WWC2: variants seen among roughly 807,000 people sequenced by gnomAD.
WWC2 encodes the protein protein WWC2.
WWC2 carries 101 observed loss-of-function variants against 138.5 expected under a neutral mutation model. The ratio of observed to expected loss-of-function variants is 0.73; its 90% confidence interval spans 0.62 to 0.86. WWC2 has a LOEUF of 0.86. WWC2 is among the 40% of genes least tolerant of loss of function. The pLI, the probability that WWC2 is intolerant of heterozygous loss-of-function variation, is 0.00. For missense variants in WWC2, 1,420 were observed against 1,419.4 expected (o/e 1.00, Z -0.01); for synonymous variants, 558 against 538.4 (o/e 1.04, Z -0.50).
intron 16 of WWC2, among the ~76,000 whole-genome samples, chr4:183,276,009 A>C (rs1164400157): frequency 1.3e-5 from 2 of 152,100 alleles, no homozygotes; most frequent in Non-Finnish European, 2.9e-5. Flanking sequence ...TTTAGCATTT[A>C]CCTTTAGCAT....
intron 4 of WWC2, among the ~76,000 whole-genome samples, chr4:183,221,406 A>G (rs1312282254): frequency 2.0e-5 from 3 of 152,240 alleles, no homozygotes; most frequent in Non-Finnish European, 2.9e-5. Flanking sequence ...AAACAATAAC[A>G]GACCAACTTG....
intron 4 of WWC2, among the ~76,000 whole-genome samples, chr4:183,239,205 C>T (rs1736534422): frequency 6.6e-6 from 1 of 152,082 alleles, no homozygotes; most frequent in Non-Finnish European, 1.5e-5. Flanking sequence ...ATCCCAGCTA[C>T]TCTGGATGCT....
intron 19 of WWC2, among the ~76,000 whole-genome samples, chr4:183,284,886 T>C (rs1396536111): frequency 6.6e-6 from 1 of 152,214 alleles, no homozygotes; most frequent in Admixed American, 6.5e-5. Context: ...TTTGTATCAG[T>C]TTGCCAAATT....
intron 14 of WWC2, among the ~76,000 whole-genome samples, chr4:183,266,622 A>G (rs190812238): frequency 1.5e-4 from 23 of 152,352 alleles, no homozygotes; most frequent in African/African-American, 5.5e-4. Flanking sequence ...TGAAGGGCTC[A>G]TGGCTGGAAA....
At chr4:183,165,067 G>A (rs1314950198) in intron 1 of WWC2, among the ~76,000 whole-genome samples, 1 of 152,194 alleles carries the variant, frequency 6.6e-6, no homozygotes, top group Non-Finnish European at 1.5e-5. Context: ...TCCTGGGTCT[G>A]TGCATTTCAC....
At chr4:183,207,191 GT>G (rs11320228) in intron 2 of WWC2, among the ~76,000 whole-genome samples, 146,636 of 149,136 alleles carry the variant, frequency 0.98, 72,127 homozygotes, top group East Asian at 1. Context: ...GTTGGTCTGG[GT>G]TTTTTTTTTT....
At chr4:183,279,551 G>T (rs1234777238) in intron 16 of WWC2, among the ~76,000 whole-genome samples, 2 of 152,158 alleles carry the variant, frequency 1.3e-5, no homozygotes, top group Non-Finnish European at 2.9e-5. Context: ...AGAAAGATTG[G>T]TACCAGTTCC....
chr4:183,280,243 T>TTG (rs1230087913), intron 16 of WWC2, among the ~76,000 whole-genome samples: 98 of 148,350 alleles, frequency 6.6e-4, no homozygotes, highest in African/African-American at 2.2e-3. Context: ...TTTTTTTTTT[T>TTG]TTTTTTTTTT....
intron 1 of WWC2, among the ~76,000 whole-genome samples, chr4:183,189,436 CA>C (rs201076553): frequency 0.031 from 2,682 of 85,736 alleles, 49 homozygotes; most frequent in African/African-American, 0.092. Flanking sequence ...GACTCAGTCT[CA>C]AAAAAAAAAA....
intron 6 of WWC2, 80 bp from the exon 7 acceptor site, chr4:183,248,634 T>C (rs1736871930): frequency 7.1e-7 from 1 of 1,404,656 alleles, no homozygotes; most frequent in South Asian, 1.5e-5. Flanking sequence ...ATTAGCTCTT[T>C]CCTTTTAATT....
At chr4:183,186,341 A>C (rs1202900759) in intron 1 of WWC2, among the ~76,000 whole-genome samples, 1 of 152,168 alleles carries the variant, frequency 6.6e-6, no homozygotes, top group Non-Finnish European at 1.5e-5. Context: ...AAGGCAAATC[A>C]CCCACAAATA....
At chr4:183,171,001 A>C (rs1209015985) in intron 1 of WWC2, among the ~76,000 whole-genome samples, 1 of 152,218 alleles carries the variant, frequency 6.6e-6, no homozygotes. Flanking sequence ...TTGTAAAATG[A>C]AGAGAGAATG....
intron 4 of WWC2, among the ~76,000 whole-genome samples, chr4:183,213,413 G>A (rs1735664639): frequency 6.6e-6 from 1 of 152,196 alleles, no homozygotes; most frequent in African/African-American, 2.4e-5. Context: ...TGGTGTTTTG[G>A]AAGACTTGCC....
intron 1 of WWC2, among the ~76,000 whole-genome samples, chr4:183,124,170 ATTGT>A (rs939419924): frequency 1.3e-5 from 2 of 152,174 alleles, no homozygotes; most frequent in Non-Finnish European, 2.9e-5. Flanking sequence ...GTAGCAGATA[ATTGT>A]TTGGGTATCT....
At position 183,320,722 on chromosome 4, in the gene WWC2, T is replaced by A. The variant is rs556590535; in HGVS notation, c.*4993T>A. On this transcript the variant is annotated 3_prime_UTR_variant, in exon 23 of 23. Transcript: ENST00000403733. ...TATGGTAATACTGAGTGTTATTTTT[T>A]AAAAATAGGTTTAAGAAAAGTATTT... 6 of 173,596 alleles carry A rather than the reference T, an allele frequency of 3.5e-5. No individual in the cohort carries two copies. In the South Asian group the frequency reaches 6.9e-4, roughly 20 times the overall value. 10.8% of individuals were successfully genotyped at this position (173,596 alleles called of 1,614,324 possible).
chr4:183,320,290 G>T lies in WWC2; in HGVS notation c.*4561G>T. ...TGCTGTGAAAAGAAGTGTGACACTT[G>T]TGTTATAACTTATGAAACTCAGAAA... On this transcript the variant is annotated 3_prime_UTR_variant, in exon 23 of 23. Coordinates refer to ENST00000403733, the MANE Select transcript of WWC2 (RefSeq NM_024949.6). 1 of 1,339,312 alleles carries T rather than the reference G, an allele frequency of 7.5e-7. No homozygotes were observed. The highest frequency in any genetic ancestry group is 1.0e-6 in the Non-Finnish European group (1 of 965,690). The allele number at this position is 1,339,312 out of a possible 1,614,324, so 83.0% of individuals were successfully genotyped here. A position where few individuals can be genotyped will look rare whatever the true frequency, so the allele number is the denominator to read the frequency against.
At chr4:183,197,127 A>T (rs1054021684) in intron 2 of WWC2, among the ~76,000 whole-genome samples, 2 of 152,220 alleles carry the variant, frequency 1.3e-5, no homozygotes, top group African/African-American at 4.8e-5. Context: ...AAGGAATTAA[A>T]GTACATTTCA....
At chr4:183,105,496 G>T (rs745941892) in intron 1 of WWC2, among the ~76,000 whole-genome samples, 1 of 152,230 alleles carries the variant, frequency 6.6e-6, no homozygotes, top group Non-Finnish European at 1.5e-5. Context: ...AACAGTGTTA[G>T]CCCTAATACA....
intron 21 of WWC2, among the ~76,000 whole-genome samples, chr4:183,299,413 T>A (rs1443845239): frequency 6.6e-6 from 1 of 152,136 alleles, no homozygotes; most frequent in Non-Finnish European, 1.5e-5. Context: ...TGAAAAAAGC[T>A]CACAAAACAA....
Sources: gnomAD v4.1 joint callset for allele counts (sites outside exome capture counted in the v4.1 genomes callset) on GRCh38, gnomAD v4.1.1 for gene constraint, MANE v1.5 for transcripts, NCBI Gene and HGNC (gene_info 2026-07-23, HGNC 2026-07-21) for gene names.